SV2C: variants seen among roughly 807,000 people sequenced by gnomAD.
The protein encoded by SV2C is solute carrier family 22 member B3.
In SV2C, 49 loss-of-function variants were observed where a neutral mutation model predicts 79.7. That is an observed-to-expected ratio of 0.61 (90% CI 0.49 to 0.78). The LOEUF (loss-of-function observed/expected upper bound fraction) is 0.78. Among genes scored for constraint, SV2C ranks in the 30% least tolerant of loss-of-function variants. The pLI is 0.00. For missense variants in SV2C, 833 were observed against 912.9 expected (o/e 0.91, Z 1.13); for synonymous variants, 334 against 333.2 (o/e 1.00, Z -0.03).
chr5:75,924,547 A>G, the SV2C span, among the ~76,000 whole-genome samples: 10 of 152,146 alleles, frequency 6.6e-5, no homozygotes, highest in African/African-American at 2.2e-4. Context: ...CATGCCATTG[A>G]CTCTAGAATC....
chr5:75,855,696 A>T, the SV2C span, among the ~76,000 whole-genome samples: 1 of 152,168 alleles, frequency 6.6e-6, no homozygotes, highest in Non-Finnish European at 1.5e-5. Flanking sequence ...GTATGTATTT[A>T]TGGGGTACAT....
chr5:75,984,601 A>G, the SV2C span, among the ~76,000 whole-genome samples: 2 of 138,572 alleles, frequency 1.4e-5, no homozygotes, highest in East Asian at 2.0e-4. Flanking sequence ...CTATCTACCT[A>G]TCTATCTATC....
chr5:76,059,922 T>C, the SV2C span, among the ~76,000 whole-genome samples: 1 of 152,228 alleles, frequency 6.6e-6, no homozygotes, highest in South Asian at 2.1e-4. Context: ...GGATGTTGTG[T>C]GCAGGCAAGA....
rs546590656 is a variant in SV2C at position 76,131,009 on chromosome 5, A to G, written c.-101-641A>G. On this transcript the variant is annotated intron_variant, in intron 1 of 12. Coordinates refer to ENST00000502798, the MANE Select transcript of SV2C (RefSeq NM_014979.4). The stretch of plus-strand genomic sequence containing the variant: ...ATGCAGCCATAAAATCATTTGATGA[A>G]CTCTGACAATCCTGTGGATATGACA... Among the ~76,000 whole-genome samples the G allele has an allele frequency of 2.8e-4, 43 of 152,274 alleles. No homozygotes were observed. In the South Asian group the frequency reaches 8.7e-3, roughly 31 times the overall value.
intron 12 of SV2C, among the ~76,000 whole-genome samples, chr5:76,301,903 C>A (rs1580050448): frequency 1.1e-5 from 1 of 88,270 alleles, no homozygotes. Context: ...AGTGAGACAC[C>A]ATCTCAAAAA....
chr5:75,949,427 C>T, the SV2C span, among the ~76,000 whole-genome samples: 1 of 151,880 alleles, frequency 6.6e-6, no homozygotes, highest in African/African-American at 2.4e-5. Context: ...GTAGAGAAGC[C>T]AGTTGGAGAC....
At chr5:76,078,949 G>A, upstream of SV2C, 1 of 523,800 alleles carries the variant, frequency 1.9e-6, no homozygotes, top group Admixed American at 2.1e-5. Flanking sequence ...AAACAATGTA[G>A]AAAAAAGAAT....
the SV2C span, among the ~76,000 whole-genome samples, chr5:76,006,901 C>A: frequency 6.6e-6 from 1 of 152,140 alleles, no homozygotes; most frequent in African/African-American, 2.4e-5. Flanking sequence ...TCTTACAATG[C>A]CTTCTCTCCC....
the SV2C span, among the ~76,000 whole-genome samples, chr5:75,872,064 C>G: frequency 6.9e-6 from 1 of 145,418 alleles, no homozygotes; most frequent in Non-Finnish European, 1.5e-5. Flanking sequence ...TTTATATATA[C>G]ATATATATGA....
chr5:75,880,376 A>C, the SV2C span, among the ~76,000 whole-genome samples: 9,515 of 152,140 alleles, frequency 0.063, 758 homozygotes, highest in African/African-American at 0.19. Context: ...ACTTTAAGTC[A>C]TTTCTTTGCT....
chr5:76,017,455 T>A, the SV2C span, among the ~76,000 whole-genome samples: 1 of 152,108 alleles, frequency 6.6e-6, no homozygotes, highest in Middle Eastern at 3.4e-3. Context: ...CCAGGCTAAT[T>A]TTTTGTATTT....
rs1331542389 is a variant in SV2C at position 76,331,654 on chromosome 5, T to C, written c.*6107T>C. On this transcript the variant is annotated 3_prime_UTR_variant, in exon 13 of 13. Transcript: ENST00000502798. ...CCTCCTCAGGGCAGTGCCCACTCATTTCCTTTATTTCCCTTTTGTTTTTTT... is the reference window on the plus strand; with the variant it reads ...CCTCCTCAGGGCAGTGCCCACTCATCTCCTTTATTTCCCTTTTGTTTTTTT... 6.6e-6 allele frequency: 1 copy of C among 152,284 alleles called. No individual in the cohort carries two copies. The highest frequency in any genetic ancestry group is 2.4e-5 in the African/African-American group (1 of 41,430). The allele number at this position is 152,284 out of a possible 1,614,324, so 9.4% of individuals were successfully genotyped here.
At chr5:75,911,746 C>G in the SV2C span, 3 of 625,484 alleles carry the variant, frequency 4.8e-6, no homozygotes, top group Non-Finnish European at 9.3e-6. Flanking sequence ...GGATAATAAG[C>G]TTGTCTTAGC....
In SV2C at chr5:76,173,927, G is replaced by A. The variant is rs755269584; in HGVS notation, c.581-20992G>A. On this transcript the variant is annotated intron_variant, in intron 2 of 12. Transcript: ENST00000502798. ...TTGTAAATCGTTAAATGTGGACTGT[G>A]CTGTGATGGAATAAACTAATGCAAA... 1.4e-5 allele frequency: 22 copies of A among 1,583,750 alleles called. No homozygotes were observed. In the South Asian group the frequency reaches 2.3e-4, roughly 17 times the overall value.
intron 4 of SV2C, among the ~76,000 whole-genome samples, chr5:76,256,428 G>A (rs562123698): frequency 7.9e-5 from 12 of 152,296 alleles, no homozygotes; most frequent in Non-Finnish European, 1.2e-4. Context: ...ATAGCGCAGC[G>A]TCTGTGTGTC....
At chr5:76,028,351 G>A in the SV2C span, among the ~76,000 whole-genome samples, 6 of 152,262 alleles carry the variant, frequency 3.9e-5, no homozygotes, top group Admixed American at 3.9e-4. Flanking sequence ...GGAAGTGGAA[G>A]TCCACAATAT....
the SV2C span, among the ~76,000 whole-genome samples, chr5:76,033,812 G>T: frequency 6.6e-6 from 1 of 151,832 alleles, no homozygotes; most frequent in Non-Finnish European, 1.5e-5. Flanking sequence ...GATGGGGATG[G>T]CATTGAATCT....
intron 3 of SV2C, among the ~76,000 whole-genome samples, chr5:76,195,406 A>G (rs1744241734): frequency 6.6e-6 from 1 of 152,176 alleles, no homozygotes; most frequent in South Asian, 2.1e-4. Flanking sequence ...TGAAAATTTA[A>G]CATAAGTAGG....
chr5:75,872,129 G>C, the SV2C span, among the ~76,000 whole-genome samples: 1 of 148,332 alleles, frequency 6.7e-6, no homozygotes, highest in Admixed American at 6.8e-5. Flanking sequence ...GAAGCAATCA[G>C]AAATTACAAT....
Sources: gnomAD v4.1 joint callset for allele counts (sites outside exome capture counted in the v4.1 genomes callset) on GRCh38, gnomAD v4.1.1 for gene constraint, MANE v1.5 for transcripts, NCBI Gene and HGNC (gene_info 2026-07-23, HGNC 2026-07-21) for gene names.